The following ATP2C1 variants were observed in gnomAD, a reference collection of about 807,000 sequenced individuals.
ATP2C1 encodes ATPase secretory pathway Ca2+ transporting 1.
A neutral mutation model predicts 120.5 loss-of-function variants in ATP2C1; 31 were observed. The ratio of observed to expected loss-of-function variants is 0.26; its 90% CI spans 0.19 to 0.35. ATP2C1 has a LOEUF of 0.35. Ranked by LOEUF, ATP2C1 falls within the 10% of genes least tolerant of loss-of-function variation. The pLI is 1.00. For synonymous variants in ATP2C1, 351 were observed against 358.7 expected (o/e 0.98, Z 0.24); for missense variants, 731 against 1,107.5 (o/e 0.66, Z 4.83).
rs749551646 is a variant in ATP2C1 at position 130,953,964 on chromosome 3, T to G, written c.675T>G (p.Cys225Trp). 6.2e-7 allele frequency: 1 copy of G among 1,614,040 alleles called. No individual in the cohort carries two copies. The highest frequency in any genetic ancestry group is 1.7e-5 in the Admixed American group (1 of 60,004). The change falls in exon 9 of 28, where the codon TGT (cysteine) becomes TGG (tryptophan). Residue 225 changes from cysteine (C) to tryptophan (W), a missense_variant. Cys to Trp is a radical substitution (Grantham distance 215). Transcript: ENST00000510168. ...CCTTTATGGGAACACTGGTCAGATG[T>G]GGCAAAGCAAAGGTAAATTTTTTTC... ...NIAFMGTLVR[C>W]GKAKGVVIGT...
intron 1 of ATP2C1, among the ~76,000 whole-genome samples, chr3:130,852,601 GA>G (rs1271371314): frequency 1.3e-5 from 2 of 152,210 alleles, no homozygotes; most frequent in South Asian, 2.1e-4. Flanking sequence ...GAATAATTAA[GA>G]GAAATAATAT....
chr3:130,968,336 A>C (rs1022440044), intron 16 of ATP2C1, among the ~76,000 whole-genome samples: 1 of 152,168 alleles, frequency 6.6e-6, no homozygotes, highest in Non-Finnish European at 1.5e-5. Flanking sequence ...TTATGGGCAG[A>C]GACCTCACAT....
Position 130,934,631 on chromosome 3 carries a change from C to T in ATP2C1, c.244C>T (p.Pro82Ser), listed in dbSNP as rs773030549. 1 of 1,610,374 alleles carries T rather than the reference C, an allele frequency of 6.2e-7. No individual in the cohort carries two copies. Among genetic ancestry groups the T allele is most frequent in the Non-Finnish European group, 8.5e-7 (1 of 1,177,012 alleles). ...WKKYISQFKN[P>S]LIMLLLASAV... ...TTGTTTTTACTTTCAGTTTAAAAAT[C>T]CCCTTATTATGCTGCTTCTGGCTTC... Residue 82 changes from proline (P) to serine (S), a missense_variant, in exon 5 of 28, where the codon CCC (proline) becomes TCC (serine). Around this residue, in one of 3 missense-constraint regions of ATP2C1, gnomAD observed 571 missense variants for 845.9 expected, o/e 0.67. Coordinates refer to ENST00000510168, the MANE Select transcript of ATP2C1 (RefSeq NM_001378687.1).
intron 11 of ATP2C1, among the ~76,000 whole-genome samples, chr3:130,958,102 C>CTAT (rs1418772961): frequency 3.9e-5 from 6 of 152,108 alleles, no homozygotes; most frequent in African/African-American, 1.4e-4. Context: ...AGCACTATAC[C>CTAT]ATAAACCATT....
Position 130,912,305 on chromosome 3 carries a change from G to T in ATP2C1, c.6+17530G>T, listed in dbSNP as rs1312978048. On this transcript the variant is annotated intron_variant, in intron 2 of 27. Coordinates refer to ENST00000510168, the MANE Select transcript of ATP2C1 (RefSeq NM_001378687.1). ...CACAGCAAAAGAAACTACCATCAGA[G>T]TGAACAGGAAACCTACAAAATGGGA... is the stretch of plus-strand genomic sequence containing the variant. Among the ~76,000 whole-genome samples, 10 of 149,342 alleles carry T rather than the reference G, an allele frequency of 6.7e-5. No homozygotes were observed. The East Asian group carries it at 1.8e-3, about 26-fold the overall frequency.
At chr3:130,896,665 A>G (rs1223807070) in intron 2 of ATP2C1, among the ~76,000 whole-genome samples, 7 of 152,242 alleles carry the variant, frequency 4.6e-5, no homozygotes, top group Non-Finnish European at 8.8e-5. Flanking sequence ...TGAAACAAAA[A>G]TGGATTCAAG....
intron 17 of ATP2C1, among the ~76,000 whole-genome samples, chr3:130,969,706 A>G (rs1333757262): frequency 1.3e-5 from 2 of 152,194 alleles, no homozygotes; most frequent in Non-Finnish European, 2.9e-5. Flanking sequence ...TCTCTTCTTC[A>G]TGACAGTTCC....
At chr3:130,862,540 T>C (rs189654748) in intron 1 of ATP2C1, among the ~76,000 whole-genome samples, 359 of 152,192 alleles carry the variant, frequency 2.4e-3, no homozygotes, top group African/African-American at 8.4e-3. Flanking sequence ...TCCCCTGACA[T>C]AGTTAATTGT....
At chr3:130,932,389 C>G (rs2108362299) in intron 4 of ATP2C1, among the ~76,000 whole-genome samples, 1 of 152,128 alleles carries the variant, frequency 6.6e-6, no homozygotes, top group South Asian at 2.1e-4. Context: ...ACAGTAGTGT[C>G]CTTTGCTGAT....
At chr3:130,900,431 A>G (rs572380290) in intron 2 of ATP2C1, among the ~76,000 whole-genome samples, 15 of 149,622 alleles carry the variant, frequency 1.0e-4, no homozygotes, top group African/African-American at 3.4e-4. Flanking sequence ...AATTACTTTC[A>G]TTTATTTATT....
At chr3:130,959,531 T>A (rs964262787) in intron 12 of ATP2C1, 190 bp downstream of exon 12, 2 of 399,430 alleles carry the variant, frequency 5.0e-6, no homozygotes, top group Non-Finnish European at 9.2e-6. Context: ...TATATGGTAA[T>A]GAAGAAAACC....
intron 20 of ATP2C1, among the ~76,000 whole-genome samples, chr3:130,985,219 T>C (rs1373104809): frequency 6.6e-6 from 1 of 152,200 alleles, no homozygotes. Flanking sequence ...ATTAGAATCC[T>C]TTAAGTCTCT....
chr3:130,928,491 GTAAGGCTGTCA>G (rs1219838231), intron 2 of ATP2C1, among the ~76,000 whole-genome samples: 1 of 152,178 alleles, frequency 6.6e-6, no homozygotes, highest in Non-Finnish European at 1.5e-5. Context: ...CATTTTATGA[GTAAGGCTGTCA>G]TATTGCATGC....
chr3:130,896,262 T>C (rs1425662551), intron 2 of ATP2C1, among the ~76,000 whole-genome samples: 2 of 152,176 alleles, frequency 1.3e-5, no homozygotes, highest in Admixed American at 6.5e-5. Flanking sequence ...GCATGAGTAA[T>C]AAAGCCGATT....
intron 1 of ATP2C1, among the ~76,000 whole-genome samples, chr3:130,864,182 CTTG>C: frequency 6.6e-6 from 1 of 152,294 alleles, no homozygotes; most frequent in Non-Finnish European, 1.5e-5. Context: ...AGATGAGGAA[CTTG>C]TTGAGAACCG....
intron 8 of ATP2C1, among the ~76,000 whole-genome samples, chr3:130,952,785 T>C (rs1015412020): frequency 2.3e-4 from 35 of 152,184 alleles, no homozygotes; most frequent in African/African-American, 8.2e-4. Context: ...TGGAATAAAA[T>C]GGATGGAAAT....
intron 18 of ATP2C1, among the ~76,000 whole-genome samples, chr3:130,978,372 A>C (rs1258763276): frequency 1.3e-5 from 2 of 151,916 alleles, no homozygotes; most frequent in African/African-American, 4.8e-5. Flanking sequence ...TCTCCTCTTG[A>C]CTTATTTATG....
rs1577056289 is a variant in ATP2C1, at chr3:131,002,667, A to G, written c.*1317A>G. On this transcript the variant is annotated 3_prime_UTR_variant, in exon 28 of 28. Transcript: ENST00000510168. Reference sequence around the variant, plus strand: ...AGTATATAAACAAAAATTGGTCCCAATTCTAACAGGTTTAATCCTTCTTGA... The same window carrying G: ...AGTATATAAACAAAAATTGGTCCCAGTTCTAACAGGTTTAATCCTTCTTGA... The G allele has an allele frequency of 2.0e-6, 2 of 985,292 alleles. No individual in the cohort carries two copies. Among genetic ancestry groups the G allele is most frequent in the Admixed American group, 1.2e-4 (2 of 16,272 alleles). 61.0% of individuals were successfully genotyped at this position (985,292 alleles called of 1,614,324 possible).
chr3:130,967,268 ACTTT>A, intron 15 of ATP2C1, 28 bp downstream of exon 15: 2 of 1,612,214 alleles, frequency 1.2e-6, no homozygotes, highest in South Asian at 1.1e-5. Context: ...CAAGATGGTG[ACTTT>A]CTTCATAATA....
Sources: allele counts gnomAD v4.1 joint callset (sites outside exome capture counted in the v4.1 genomes callset), GRCh38; gene constraint gnomAD v4.1.1; regional missense constraint gnomAD v4.1.1; transcripts MANE v1.5; gene names NCBI Gene and HGNC (gene_info 2026-07-23, HGNC 2026-07-21).